The following IGF2BP3 variants were observed in gnomAD, a reference collection of about 807,000 sequenced individuals.
IGF2BP3 encodes insulin like growth factor 2 mRNA binding protein 3, also known as insulin-like growth factor 2 mRNA-binding protein 3.
A neutral mutation model predicts 73.8 loss-of-function variants in IGF2BP3; 9 were observed. That is an observed-to-expected ratio of 0.12 (90% CI 0.07 to 0.21). The LOEUF is 0.21. Ranked by LOEUF, IGF2BP3 falls within the 10% of genes least tolerant of loss-of-function variation. The pLI, the probability that IGF2BP3 is intolerant of heterozygous loss-of-function variation, is 1.00. For synonymous variants in IGF2BP3, 258 were observed against 256.7 expected, an observed-to-expected ratio of 1.01 and a Z score of -0.05; for missense variants, 542 against 714.0, an observed-to-expected ratio of 0.76 and a Z score of 2.75.
intron 5 of IGF2BP3, among the ~76,000 whole-genome samples, chr7:23,354,997 G>C (rs1785055255): frequency 6.6e-6 from 1 of 152,112 alleles, no homozygotes; most frequent in African/African-American, 2.4e-5. Context: ...TCAACTACTA[G>C]AATCTTTCTA....
At chr7:23,355,372 C>T (rs1414889388) in intron 5 of IGF2BP3, among the ~76,000 whole-genome samples, 1 of 151,990 alleles carries the variant, frequency 6.6e-6, no homozygotes, top group East Asian at 1.9e-4. Flanking sequence ...CAGGCGTGTA[C>T]CACCACACCC....
At position 23,460,887 on chromosome 7, in the gene IGF2BP3, G is replaced by A. The variant is rs187429053; in HGVS notation, c.236+7595C>T. Among the ~76,000 whole-genome samples the A allele has an allele frequency of 2.0e-5, 3 of 152,016 alleles. No homozygotes were observed. In the East Asian group the frequency reaches 5.8e-4, roughly 30 times the overall value. ...GACCTCTTGAACCCGGGAGGCGGAGGCTGCAGTGAGCCAAGATCGCACCAC... is the reference window on the plus strand; with the variant it reads ...GACCTCTTGAACCCGGGAGGCGGAGACTGCAGTGAGCCAAGATCGCACCAC... On this transcript the variant is annotated intron_variant, in intron 2 of 14. Transcript: ENST00000258729.
intron 5 of IGF2BP3, among the ~76,000 whole-genome samples, chr7:23,360,794 G>A (rs1052926634): frequency 1.3e-5 from 2 of 152,208 alleles, no homozygotes; most frequent in African/African-American, 4.8e-5. Context: ...GTATCTGGAG[G>A]TAGGTAGTTC....
chr7:23,396,041 GTTTT>G (rs10718892), intron 3 of IGF2BP3, among the ~76,000 whole-genome samples: 9 of 143,422 alleles, frequency 6.3e-5, no homozygotes, highest in Admixed American at 7.0e-5. Flanking sequence ...AATCCAGTGA[GTTTT>G]TTTTTTTTTT....
chr7:23,420,388 G>A (rs985360432), intron 2 of IGF2BP3, among the ~76,000 whole-genome samples: 1 of 152,118 alleles, frequency 6.6e-6, no homozygotes, highest in African/African-American at 2.4e-5. Context: ...TGAGATGGAA[G>A]GATTGCTTGA....
chr7:23,382,035 C>T (rs62468202), intron 3 of IGF2BP3, among the ~76,000 whole-genome samples: 10 of 152,128 alleles, frequency 6.6e-5, no homozygotes, highest in Non-Finnish European at 1.5e-4. Context: ...GCGGGAGAAT[C>T]ACTCAAGCTC....
intron 6 of IGF2BP3, chr7:23,347,950 A>G: frequency 3.9e-6 from 2 of 514,522 alleles, no homozygotes; most frequent in Non-Finnish European, 6.8e-6. Flanking sequence ...CCTCAATCCA[A>G]CCAAGCGGGG....
chr7:23,383,583 A>C (rs1380993220), intron 3 of IGF2BP3, among the ~76,000 whole-genome samples: 2 of 152,330 alleles, frequency 1.3e-5, no homozygotes, highest in East Asian at 3.9e-4. Context: ...AATTTCTCAA[A>C]ATGTTAAAAC....
At chr7:23,315,966 G>A (rs1783978396) in intron 12 of IGF2BP3, among the ~76,000 whole-genome samples, 6 of 152,178 alleles carry the variant, frequency 3.9e-5, no homozygotes, top group Admixed American at 3.9e-4. Flanking sequence ...AAACATCATA[G>A]GAGTTGCAGG....
intron 3 of IGF2BP3, among the ~76,000 whole-genome samples, chr7:23,405,596 C>G (rs879933883): frequency 5.3e-5 from 8 of 152,268 alleles, no homozygotes; most frequent in Middle Eastern, 3.4e-3. Context: ...TGAGCCCCGC[C>G]TCCTGTCAGA....
At chr7:23,446,003 G>C in intron 2 of IGF2BP3, among the ~76,000 whole-genome samples, 1 of 152,088 alleles carries the variant, frequency 6.6e-6, no homozygotes, top group East Asian at 1.9e-4. Flanking sequence ...ATAAAATGAA[G>C]CACAAGCAAA....
At chr7:23,438,182 C>G (rs1302320279) in intron 2 of IGF2BP3, among the ~76,000 whole-genome samples, 1 of 152,180 alleles carries the variant, frequency 6.6e-6, no homozygotes, top group Non-Finnish European at 1.5e-5. Context: ...TGCAGTGCCA[C>G]GATCTCGGCT....
chr7:23,338,670 C>T (rs1784634139), intron 10 of IGF2BP3, among the ~76,000 whole-genome samples: 1 of 152,094 alleles, frequency 6.6e-6, no homozygotes, highest in Admixed American at 6.6e-5. Context: ...GGAGTCATCT[C>T]GGGAGCTTTC....
At position 23,319,215 on chromosome 7, in the gene IGF2BP3, G is replaced by C. The variant is rs756222683; in HGVS notation, c.1243C>G (p.Leu415Val). ...TETVHLFIPA[L>V]SVGAIIGKQG... ...TTGCCGATGATGGCACCGACTGATA[G>C]AGCTGGGATAAACAGATGAACAGTC... The change falls in exon 11 of 15, where the codon CTA becomes GTA. Residue 415 changes from leucine to valine, a missense_variant. Physicochemically the swap from Leu to Val is conservative, Grantham distance 32. This residue lies in a region of IGF2BP3 where 303 missense variants were observed against 472.1 expected (regional missense o/e 0.64). Coordinates refer to ENST00000258729, the MANE Select transcript of IGF2BP3 (RefSeq NM_006547.3). 10 of 1,613,596 alleles carry C rather than the reference G, an allele frequency of 6.2e-6. No individual in the cohort carries two copies. The highest frequency in any genetic ancestry group is 7.6e-6 in the Non-Finnish European group (9 of 1,179,780).
intron 3 of IGF2BP3, among the ~76,000 whole-genome samples, chr7:23,416,537 A>G (rs1189934400): frequency 6.6e-6 from 1 of 152,224 alleles, no homozygotes; most frequent in African/African-American, 2.4e-5. Flanking sequence ...AGCCAGTTGA[A>G]CCTATTGAGA....
At chr7:23,445,512 TA>T (rs1455026472) in intron 2 of IGF2BP3, among the ~76,000 whole-genome samples, 2 of 152,192 alleles carry the variant, frequency 1.3e-5, no homozygotes, top group East Asian at 3.9e-4. Flanking sequence ...TTAGTATGAC[TA>T]AGTAAAACTA....
chr7:23,460,594 G>A (rs904843472), intron 2 of IGF2BP3, among the ~76,000 whole-genome samples: 2 of 151,650 alleles, frequency 1.3e-5, no homozygotes, highest in African/African-American at 4.9e-5. Context: ...CATTGAGTCA[G>A]AGGATCTACT....
At chr7:23,411,491 G>C (rs1163004752) in intron 3 of IGF2BP3, among the ~76,000 whole-genome samples, 1 of 152,200 alleles carries the variant, frequency 6.6e-6, no homozygotes, top group African/African-American at 2.4e-5. Context: ...CTGAGGCGGA[G>C]AATGGCTTGA....
intron 10 of IGF2BP3, 62 bp downstream of exon 10, chr7:23,342,002 G>C (rs940717261): frequency 1.4e-6 from 2 of 1,464,732 alleles, no homozygotes; most frequent in African/African-American, 2.9e-5. Flanking sequence ...TGATCACGCG[G>C]GGACTAGGTT....
Sources: gnomAD v4.1 joint callset for allele counts (sites outside exome capture counted in the v4.1 genomes callset) on GRCh38, gnomAD v4.1.1 for gene constraint, gnomAD v4.1.1 regional missense constraint, MANE v1.5 for transcripts, NCBI Gene and HGNC (gene_info 2026-07-23, HGNC 2026-07-21) for gene names.